Variants in RASSF1 observed in about 807,000 individuals in gnomAD.
The protein encoded by RASSF1 is ras association domain-containing protein 1.
Under a neutral mutation model 34.3 loss-of-function variants are expected in RASSF1, and 33 were observed. The observed-to-expected ratio is 0.96, with a 90% CI of 0.73 to 1.29. The LOEUF (loss-of-function observed/expected upper bound fraction) is 1.29. Among genes scored for constraint, RASSF1 ranks in the 50% most tolerant of loss-of-function variants. RASSF1 has a pLI of 0.00. For synonymous variants in RASSF1, 191 were observed against 195.0 expected (o/e 0.98, Z 0.17); for missense variants, 445 against 471.8 (o/e 0.94, Z 0.53).
chr3:50,330,522 TCA>T lies in RASSF1; in HGVS notation c.*57_*58del. 8 of 1,598,622 alleles carry T rather than the reference TCA, an allele frequency of 5.0e-6. No homozygotes were observed. Among genetic ancestry groups the T allele is most frequent in the Non-Finnish European group, 6.0e-6 (7 of 1,169,748 alleles). On this transcript the variant is annotated 3_prime_UTR_variant, in exon 6 of 6. Coordinates refer to ENST00000359365, the MANE Select transcript of RASSF1 (RefSeq NM_007182.5). This position sits in a 1 kb window ranked among gnomAD's most constrained non-coding sequence, Gnocchi z 4.5. The stretch of plus-strand genomic sequence containing the variant: ...ACAGGCCCCACTGGCCCTGTCACAC[TCA>T]CACGGCACGCACTTGGCGCTGCCTG...
rs1300123852 is a variant in RASSF1 at position 50,340,709 on chromosome 3, G to C, written c.97C>G (p.Arg33Gly). 1.3e-6 allele frequency: 2 copies of C among 1,526,846 alleles called. No homozygotes were observed. The highest frequency in any genetic ancestry group is 2.0e-5 in the Admixed American group (1 of 49,980). 94.6% of individuals were successfully genotyped at this position (1,526,846 alleles called of 1,614,324 possible). A position where few individuals can be genotyped will look rare whatever the true frequency, so the allele number is the denominator to read the frequency against. Reference protein sequence around the residue: ...RTRLERANALRIARGTACNPT... With the variant: ...RTRLERANALGIARGTACNPT... ...TTGCACGCGGTGCCCCGCGCGATGCGCAGCGCGTTGGCACGCTCCAGCCGG... is the reference window on the plus strand; with the variant it reads ...TTGCACGCGGTGCCCCGCGCGATGCCCAGCGCGTTGGCACGCTCCAGCCGG... The change falls in exon 1 of 6, where the codon CGC (arginine) becomes GGC (glycine). Residue 33 changes from arginine to glycine, a missense_variant. Arg to Gly is a moderately radical substitution (Grantham distance 125). Coordinates refer to ENST00000359365, the MANE Select transcript of RASSF1 (RefSeq NM_007182.5).
chr3:50,337,865 C>T (rs1360966446), intron 2 of RASSF1, 40 bp downstream of exon 2: 1 of 1,515,036 alleles, frequency 6.6e-7, no homozygotes, highest in Non-Finnish European at 9.1e-7. Context: ...GTGGCCTGCC[C>T]ATCCTCGCCC....
rs767027331 is a variant in RASSF1 at position 50,337,947 on chromosome 3, C to G, written c.315G>C (p.Arg105=). The G allele has an allele frequency of 6.8e-6, 11 of 1,611,924 alleles. No homozygotes were observed. In the East Asian group the frequency reaches 2.2e-4, roughly 33 times the overall value. ...ALVCLDCCGP[R]DLGWEPAVER... ...CCACCGCGGGTTCCCAGCCCAGGTC[C>G]CGGGGCCCGCAACAGTCCAGGCAGA... Residue 105 remains arginine, a synonymous_variant, in exon 2 of 6, where the codon CGG becomes CGC. Coordinates refer to ENST00000359365, the MANE Select transcript of RASSF1 (RefSeq NM_007182.5).
In RASSF1 at chr3:50,331,627, C is replaced by T. The variant is rs148222115; in HGVS notation, c.692G>A (p.Arg231Gln). 1,187 of 1,605,538 alleles carry T rather than the reference C, an allele frequency of 7.4e-4. No homozygotes were observed. Among genetic ancestry groups the T allele is most frequent in the Non-Finnish European group, 9.3e-4 (1,088 of 1,172,790 alleles). ...RAREVIEALL[R>Q]KFLVVDDPRK... is the part of the protein sequence containing the mutation. ...GGGGTCATCCACCACCAAGAACTTT[C>T]GCAGCAGGGCCTCAATGACTTCACG... is the stretch of plus-strand genomic sequence containing the variant. The change falls in exon 4 of 6, where the codon CGA becomes CAA. Residue 231 changes from arginine (R) to glutamine (Q), a missense_variant. Coordinates refer to ENST00000359365, the MANE Select transcript of RASSF1 (RefSeq NM_007182.5).
intron 1 of RASSF1, 200 bp from the exon 2 acceptor site, chr3:50,338,211 CAG>C: frequency 2.8e-6 from 4 of 1,407,536 alleles, no homozygotes; most frequent in Non-Finnish European, 3.7e-6. Context: ...AGGCCACAGG[CAG>C]AGAGGCCTGC....
At chr3:50,335,708 C>T (rs1028378696) in intron 2 of RASSF1, among the ~76,000 whole-genome samples, 2 of 150,930 alleles carry the variant, frequency 1.3e-5, no homozygotes, top group Admixed American at 6.6e-5. Context: ...CTTTGCCTCC[C>T]GGTTGAAGTG....
intron 1 of RASSF1, among the ~76,000 whole-genome samples, chr3:50,340,196 A>T (rs1324480409): frequency 6.6e-6 from 1 of 152,102 alleles, no homozygotes; most frequent in East Asian, 1.9e-4. Flanking sequence ...TTCACCCTAA[A>T]GGTTCTGGAG....
intron 2 of RASSF1, chr3:50,337,662 A>AGTGCGC (rs1382017354): frequency 1.2e-5 from 11 of 890,976 alleles, no homozygotes; most frequent in Admixed American, 1.2e-4. Flanking sequence ...AGGTGCGGGA[A>AGTGCGC]GTGCGCGTGC....
chr3:50,337,066 C>G, intron 2 of RASSF1: 2 of 1,363,378 alleles, frequency 1.5e-6, no homozygotes, highest in Non-Finnish European at 1.9e-6. Context: ...GCCACGTAGC[C>G]AGGAGGGTGG....
Position 50,331,868 on chromosome 3 carries a change from G to C in RASSF1, c.463-12C>G. 1 of 1,550,666 alleles carries C rather than the reference G, an allele frequency of 6.4e-7. No individual in the cohort carries two copies. On this transcript the variant is annotated splice_polypyrimidine_tract_variant and intron_variant, in intron 3 of 5. Transcript: ENST00000359365. Reference sequence around the variant, plus strand: ...GAACCGTCCTTGTTCTAAAGAAATAGAGAAACCAAACCTTGATAATAGGTT... The same window carrying C: ...GAACCGTCCTTGTTCTAAAGAAATACAGAAACCAAACCTTGATAATAGGTT...
At chr3:50,338,527 G>A (rs1353424010) in intron 1 of RASSF1, among the ~76,000 whole-genome samples, 1 of 152,112 alleles carries the variant, frequency 6.6e-6, no homozygotes, top group Non-Finnish European at 1.5e-5. Context: ...TGATCCACCC[G>A]CCTCGGCCTT....
rs1002004757 is a variant in RASSF1, at chr3:50,330,192, T to A, written c.*389A>T. The stretch of plus-strand genomic sequence containing the variant: ...GGATATCCTGAGACCACATTCAAGA[T>A]CCAAAACCTTTCCTCATAGATGAGG... On this transcript the variant is annotated 3_prime_UTR_variant, in exon 6 of 6. Coordinates refer to ENST00000359365, the MANE Select transcript of RASSF1 (RefSeq NM_007182.5). The surrounding 1 kb of genome is among the most constrained non-coding windows in gnomAD (Gnocchi z 4.5). The A allele has an allele frequency of 5.5e-5, 10 of 182,570 alleles. No homozygotes were observed. Among genetic ancestry groups the A allele is most frequent in the Admixed American group, 5.7e-5 (1 of 17,412 alleles). The allele number at this position is 182,570 out of a possible 1,614,324, so 11.3% of individuals were successfully genotyped here.
At chr3:50,338,908 A>G (rs1703263288) in intron 1 of RASSF1, among the ~76,000 whole-genome samples, 1 of 152,092 alleles carries the variant, frequency 6.6e-6, no homozygotes, top group African/African-American at 2.4e-5. Flanking sequence ...ACACTCTCCC[A>G]GTTTTCCTCC....
At chr3:50,332,222 T>C in intron 2 of RASSF1, 68 bp from the exon 3 acceptor site, 2 of 1,411,484 alleles carry the variant, frequency 1.4e-6, no homozygotes, top group Non-Finnish European at 2.0e-6. Flanking sequence ...AAATGGCCTC[T>C]GGGGCAGTCT....
intron 2 of RASSF1, chr3:50,337,097 C>G (rs756717106): frequency 1.4e-6 from 2 of 1,465,264 alleles, no homozygotes; most frequent in Non-Finnish European, 1.8e-6. Flanking sequence ...CGACCCAGGA[C>G]GCGGCAACGG....
rs1702962271 is a variant in RASSF1, at chr3:50,331,963, A to G, written c.462+87T>C. 8 of 1,566,536 alleles carry G rather than the reference A, an allele frequency of 5.1e-6. No individual in the cohort carries two copies. The Admixed American group carries it at 8.6e-5, about 17-fold the overall frequency. On this transcript the variant is annotated intron_variant, in intron 3 of 5. Transcript: ENST00000359365. The stretch of plus-strand genomic sequence containing the variant: ...AAATTACTGCTTGCGCCCACCCAAG[A>G]TAACCTCAGTTGTGACCCTCTGAGT...
chr3:50,335,313 C>CTTTTTTTTTTT (rs906428880), intron 2 of RASSF1, among the ~76,000 whole-genome samples: 8 of 107,974 alleles, frequency 7.4e-5, no homozygotes, highest in African/African-American at 1.1e-4. Context: ...CCTATTCTTT[C>CTTTTTTTTTTT]TTTTTTTTTT....
At chr3:50,337,550 G>A (rs1314220838) in intron 2 of RASSF1, 42 of 1,478,204 alleles carry the variant, frequency 2.8e-5, no homozygotes, top group Non-Finnish European at 3.7e-5. Context: ...TCATCGCTCC[G>A]GAGCTCCACT....
rs587634590 is a variant in RASSF1, at chr3:50,334,319, T to C, written c.358-2165A>G. Among the ~76,000 whole-genome samples the C allele has an allele frequency of 3.0e-4, 45 of 152,292 alleles. No homozygotes were observed. In the South Asian group the frequency reaches 9.1e-3, roughly 31 times the overall value. On this transcript the variant is annotated intron_variant, in intron 2 of 5. Transcript: ENST00000359365. ...CTTCCCCAAGTATCCAAAGGTCTCC[T>C]GGATGGAGAAGAGCACTGGAGTAAA...
Sources: allele counts gnomAD v4.1 joint callset (sites outside exome capture counted in the v4.1 genomes callset), GRCh38; gene constraint gnomAD v4.1.1; non-coding constraint Gnocchi (gnomAD v3.1); transcripts MANE v1.5; gene names NCBI Gene and HGNC (gene_info 2026-07-23, HGNC 2026-07-21).